Variants in DENND1A observed in about 807,000 individuals in gnomAD.
The protein encoded by DENND1A is DENN domain-containing protein 1A.
Under a neutral mutation model 113.7 loss-of-function variants are expected in DENND1A, and 51 were observed. The observed-to-expected ratio is 0.45, with a 90% CI of 0.36 to 0.57. The LOEUF is 0.57. Ranked by LOEUF, DENND1A falls within the 20% of genes least tolerant of loss-of-function variation. DENND1A has a pLI of 0.00. For synonymous variants in DENND1A, 565 were observed against 570.8 expected (o/e 0.99, Z 0.14); for missense variants, 1,258 against 1,395.9 (o/e 0.90, Z 1.57).
In DENND1A at chr9:123,639,981, G is replaced by C. The variant is rs150453999; in HGVS notation, c.619-9505C>G. On this transcript the variant is annotated intron_variant, in intron 9 of 23. Coordinates refer to ENST00000394215, the MANE Select transcript of DENND1A (RefSeq NM_001352964.2). ...GAGGCTCCTGGGTGTTGAGGAACCT[G>C]TATAAGGTCACAGCTATTGGCAGAA... Among the ~76,000 whole-genome samples the C allele has an allele frequency of 1.3e-3, 195 of 152,208 alleles. 1 individual carries two copies. Among genetic ancestry groups the C allele is most frequent in the African/African-American group, 4.5e-3 (187 of 41,508 alleles).
chr9:123,870,214 C>T (rs539022684), intron 2 of DENND1A, among the ~76,000 whole-genome samples: 5 of 151,980 alleles, frequency 3.3e-5, no homozygotes, highest in South Asian at 2.1e-4. Context: ...TATCTGCCCC[C>T]ACATTAACCT....
chr9:123,531,530 T>A (rs1306835198), intron 13 of DENND1A, among the ~76,000 whole-genome samples: 2 of 149,346 alleles, frequency 1.3e-5, no homozygotes, highest in East Asian at 2.0e-4. Flanking sequence ...ATTGGCTTTA[T>A]CCTTCTCTTC....
At chr9:123,402,797 C>T (rs559593357) in intron 21 of DENND1A, among the ~76,000 whole-genome samples, 2 of 152,386 alleles carry the variant, frequency 1.3e-5, no homozygotes, top group African/African-American at 4.8e-5. Context: ...CACTGCTTGT[C>T]TTTCTGCCCC....
intron 2 of DENND1A, among the ~76,000 whole-genome samples, chr9:123,857,421 G>A (rs1301004941): frequency 6.6e-6 from 1 of 152,104 alleles, no homozygotes; most frequent in Non-Finnish European, 1.5e-5. Context: ...AGTTTAATGA[G>A]AAATGGAATA....
chr9:123,414,642 C>T (rs902019064), intron 19 of DENND1A: 1 of 1,540,052 alleles, frequency 6.5e-7, no homozygotes, highest in Admixed American at 2.1e-5. Flanking sequence ...CCACCCAAAC[C>T]AGGCAAAAAC....
chr9:123,682,852 T>C (rs1352938909), intron 5 of DENND1A, among the ~76,000 whole-genome samples: 1 of 152,232 alleles, frequency 6.6e-6, no homozygotes, highest in Non-Finnish European at 1.5e-5. Flanking sequence ...CTCTCTTTGA[T>C]TCCTGGTGTC....
At chr9:123,587,399 G>C (rs1050974969) in intron 11 of DENND1A, among the ~76,000 whole-genome samples, 1 of 152,144 alleles carries the variant, frequency 6.6e-6, no homozygotes, top group East Asian at 1.9e-4. Context: ...AGTAACAATT[G>C]CAACAAAAGC....
chr9:123,908,911 C>T (rs1486685446), intron 1 of DENND1A, among the ~76,000 whole-genome samples: 3 of 152,112 alleles, frequency 2.0e-5, no homozygotes, highest in African/African-American at 4.8e-5. Context: ...ATGTTTATTG[C>T]GGCATTATTC....
intron 13 of DENND1A, among the ~76,000 whole-genome samples, chr9:123,485,834 T>C (rs2133855155): frequency 6.6e-6 from 1 of 151,478 alleles, no homozygotes; most frequent in East Asian, 1.9e-4. Context: ...ACTCTGTTTT[T>C]GGCCTCCACA....
chr9:123,606,871 G>A (rs1238033445), intron 11 of DENND1A, among the ~76,000 whole-genome samples: 2 of 152,240 alleles, frequency 1.3e-5, no homozygotes, highest in Admixed American at 6.5e-5. Context: ...CAGAGCAAGA[G>A]GCACCATAAG....
At chr9:123,734,392 A>T (rs2068406576) in intron 5 of DENND1A, among the ~76,000 whole-genome samples, 1 of 152,138 alleles carries the variant, frequency 6.6e-6, no homozygotes. Context: ...TTGTTTAATT[A>T]TATGTCTGCC....
intron 9 of DENND1A, among the ~76,000 whole-genome samples, chr9:123,640,289 C>G (rs556179479): frequency 4.6e-5 from 7 of 152,326 alleles, no homozygotes; most frequent in Admixed American, 3.3e-4. Context: ...ATCAGGCCTG[C>G]TTCACAGAGA....
intron 15 of DENND1A, 117 bp downstream of exon 15, chr9:123,457,231 A>G: frequency 2.5e-6 from 2 of 785,036 alleles, no homozygotes; most frequent in Non-Finnish European, 4.4e-6. Context: ...GCCAAGCTTG[A>G]AAGCAGTCTC....
At chr9:123,639,039 T>TAAAAAAAAAA (rs750972974) in intron 9 of DENND1A, among the ~76,000 whole-genome samples, 43 of 32,066 alleles carry the variant, frequency 1.3e-3, no homozygotes, top group African/African-American at 2.7e-3. Context: ...GCATGAGTAG[T>TAAAAAAAAAA]AAAAAAAAAA....
At chr9:123,579,184 T>A (rs895126676) in intron 12 of DENND1A, among the ~76,000 whole-genome samples, 1 of 152,190 alleles carries the variant, frequency 6.6e-6, no homozygotes, top group Non-Finnish European at 1.5e-5. Context: ...TGATAGGATA[T>A]ATGTTTTAAA....
intron 5 of DENND1A, among the ~76,000 whole-genome samples, chr9:123,719,647 A>C (rs1365922126): frequency 6.6e-6 from 1 of 151,120 alleles, no homozygotes. Context: ...TTTTTTTTTT[A>C]ATTTTGAAGT....
At chr9:123,634,701 T>C (rs1339805094) in intron 9 of DENND1A, among the ~76,000 whole-genome samples, 1 of 152,338 alleles carries the variant, frequency 6.6e-6, no homozygotes, top group African/African-American at 2.4e-5. Context: ...AATGGAAAGA[T>C]AGTATGTGTA....
At chr9:123,856,221 C>T (rs960638932) in intron 2 of DENND1A, among the ~76,000 whole-genome samples, 3 of 152,180 alleles carry the variant, frequency 2.0e-5, no homozygotes, top group African/African-American at 7.2e-5. Flanking sequence ...CACGTCCATA[C>T]TTGGTGAGAA....
At chr9:123,568,011 A>G (rs2058147635) in intron 12 of DENND1A, among the ~76,000 whole-genome samples, 1 of 152,242 alleles carries the variant, frequency 6.6e-6, no homozygotes, top group Non-Finnish European at 1.5e-5. Context: ...CCAGGAGTTC[A>G]GATTTAGATG....
Sources: allele counts gnomAD v4.1 joint callset (sites outside exome capture counted in the v4.1 genomes callset), GRCh38; gene constraint gnomAD v4.1.1; transcripts MANE v1.5; gene names NCBI Gene and HGNC (gene_info 2026-07-23, HGNC 2026-07-21).